NCBP3: variants seen among roughly 807,000 people sequenced by gnomAD.
NCBP3 encodes the protein nuclear cap-binding protein subunit 3.
Under a neutral mutation model 75.7 loss-of-function variants are expected in NCBP3, and 20 were observed. The observed-to-expected ratio is 0.26, with a 90% CI of 0.19 to 0.38. NCBP3 has a LOEUF of 0.38. Among genes scored for constraint, NCBP3 ranks in the 10% least tolerant of loss-of-function variants. The pLI, the probability that NCBP3 is intolerant of heterozygous loss-of-function variation, is 1.00. For missense variants in NCBP3, 678 were observed against 796.9 expected, an observed-to-expected ratio of 0.85 and a Z score of 1.80; for synonymous variants, 293 against 290.5, an observed-to-expected ratio of 1.01 and a Z score of -0.09.
chr17:3,828,755 T>A (rs982381390), intron 4 of NCBP3, among the ~76,000 whole-genome samples: 5 of 152,076 alleles, frequency 3.3e-5, no homozygotes, highest in African/African-American at 1.2e-4. Context: ...TAGTAGAGTG[T>A]TTAGCTCTAG....
chr17:3,841,019 A>C (rs572612137), intron 2 of NCBP3, among the ~76,000 whole-genome samples: 1 of 151,972 alleles, frequency 6.6e-6, no homozygotes, highest in East Asian at 1.9e-4. Context: ...ACGGACTCTC[A>C]CTCTGTCGCC....
intron 3 of NCBP3, among the ~76,000 whole-genome samples, chr17:3,839,437 T>C (rs1480640781): frequency 6.6e-6 from 1 of 152,122 alleles, no homozygotes; most frequent in Admixed American, 6.5e-5. Flanking sequence ...AACCTCTGCC[T>C]CCCAGGTTCA....
In NCBP3 at chr17:3,814,668, G is replaced by C. The variant is rs370953978; in HGVS notation, c.1466-185C>G. 3.9e-5 allele frequency among the ~76,000 whole-genome samples: 6 copies of C among 152,070 alleles called. No individual in the cohort carries two copies. In the East Asian group the frequency reaches 1.2e-3, roughly 29 times the overall value. ...TTTCCTTAGGAAAATTCGGACATAG[G>C]GGCTGTCAGAGGAAAAATCCTCAAC... On this transcript the variant is annotated intron_variant, in intron 11 of 12. Coordinates refer to ENST00000389005, the MANE Select transcript of NCBP3 (RefSeq NM_001114118.3).
intron 4 of NCBP3, among the ~76,000 whole-genome samples, chr17:3,827,390 G>A (rs1344914560): frequency 6.6e-6 from 1 of 152,200 alleles, no homozygotes; most frequent in African/African-American, 2.4e-5. Flanking sequence ...CATGCTAAAC[G>A]AATTCCCCCT....
In NCBP3 at chr17:3,811,892, T is replaced by A. The variant is rs547313727; in HGVS notation, c.*1152A>T. 3 of 152,342 alleles carry A rather than the reference T, an allele frequency of 2.0e-5. No homozygotes were observed. Among genetic ancestry groups the A allele is most frequent in the East Asian group, 1.9e-4 (1 of 5,192 alleles). The allele number at this position is 152,342 out of a possible 1,614,324, so 9.4% of individuals were successfully genotyped here. A position where few individuals can be genotyped will look rare whatever the true frequency, so the allele number is the denominator to read the frequency against. On this transcript the variant is annotated 3_prime_UTR_variant, in exon 13 of 13. Transcript: ENST00000389005. The stretch of plus-strand genomic sequence containing the variant: ...AAATAATCTGAAAGGAGTTTAAAAA[T>A]AAATGAACTAAAATTTTTATAACTA...
intron 4 of NCBP3, among the ~76,000 whole-genome samples, chr17:3,828,484 C>G (rs2053824894): frequency 6.6e-6 from 1 of 152,166 alleles, no homozygotes; most frequent in Non-Finnish European, 1.5e-5. Flanking sequence ...ATGAAAACAT[C>G]TTCCTACGAG....
Position 3,818,483 on chromosome 17 carries a change from C to T in NCBP3, c.1090G>A (p.Asp364Asn). The T allele has an allele frequency of 6.2e-7, 1 of 1,613,958 alleles. No homozygotes were observed. The highest frequency in any genetic ancestry group is 8.5e-7 in the Non-Finnish European group (1 of 1,180,030). ...TCTACCACCACTCTGTCATCTGCAT[C>T]CATGTCCTGGTCTTCTTCTTCCTCT... Reference protein sequence around the residue: ...EEEEEEDQDMDADDRVVVEYH... With the variant: ...EEEEEEDQDMNADDRVVVEYH... The change falls in exon 10 of 13, where the codon GAT becomes AAT. Residue 364 changes from aspartate to asparagine, a missense_variant. By Grantham distance (23) the Asp-to-Asn change is conservative (BLOSUM62 1). Transcript: ENST00000389005. The surrounding 1 kb of genome is among the most constrained non-coding windows in gnomAD (Gnocchi z 4.7).
rs1399144117 is a variant in NCBP3, at chr17:3,820,134, A to G, written c.1000+1115T>C. On this transcript the variant is annotated intron_variant, in intron 9 of 12. Coordinates refer to ENST00000389005, the MANE Select transcript of NCBP3 (RefSeq NM_001114118.3). ...CTGGCTAATTTTTTAATTTTTTGTA[A>G]CGACAAGGTCTCACTATGTTGCCCA... Among the ~76,000 whole-genome samples the G allele has an allele frequency of 2.0e-5, 3 of 151,982 alleles. No homozygotes were observed. The East Asian group carries it at 5.8e-4, about 29-fold the overall frequency.
chr17:3,828,563 GC>G (rs1392919940), intron 4 of NCBP3, among the ~76,000 whole-genome samples: 1 of 152,082 alleles, frequency 6.6e-6, no homozygotes, highest in African/African-American at 2.4e-5. Flanking sequence ...AGCAAGTAAA[GC>G]CAGACTAGAA....
At chr17:3,828,052 G>A (rs1597404598) in intron 4 of NCBP3, among the ~76,000 whole-genome samples, 1 of 152,258 alleles carries the variant, frequency 6.6e-6, no homozygotes, top group East Asian at 1.9e-4. Flanking sequence ...CTGAATAGCT[G>A]GGATTACAGG....
intron 4 of NCBP3, 37 bp downstream of exon 4, chr17:3,829,206 A>T: frequency 6.5e-7 from 1 of 1,548,588 alleles, no homozygotes; most frequent in Admixed American, 2.0e-5. Context: ...AAAATCATCA[A>T]CAAAAGCATA....
At chr17:3,837,966 A>C (rs1372759431) in intron 3 of NCBP3, among the ~76,000 whole-genome samples, 2 of 151,968 alleles carry the variant, frequency 1.3e-5, no homozygotes, top group African/African-American at 4.8e-5. Context: ...GAACCGTGAG[A>C]CTGGAGTTGT....
At position 3,812,994 on chromosome 17, in the gene NCBP3, C is replaced by T; in HGVS notation, c.*50G>A. 1 of 1,610,116 alleles carries T rather than the reference C, an allele frequency of 6.2e-7. No homozygotes were observed. Among genetic ancestry groups the T allele is most frequent in the Non-Finnish European group, 8.5e-7 (1 of 1,177,762 alleles). On this transcript the variant is annotated 3_prime_UTR_variant, in exon 13 of 13. Transcript: ENST00000389005. The stretch of plus-strand genomic sequence containing the variant: ...GGAGGTTCCTACTGCGCGCCCCACC[C>T]TGTGCAAGAATGTCAGGCTTTAGGG...
At position 3,804,121 on chromosome 17, in the gene NCBP3, T is replaced by C. The variant is rs907994058; in HGVS notation, c.*8923A>G. On this transcript the variant is annotated 3_prime_UTR_variant, in exon 13 of 13. Coordinates refer to ENST00000389005, the MANE Select transcript of NCBP3 (RefSeq NM_001114118.3). Reference sequence around the variant, plus strand: ...CTTGTAGTCACAGTTACTTAAGAGGTTCAAGCTACTTGGGAAAGCTTGAGC... The same window carrying C: ...CTTGTAGTCACAGTTACTTAAGAGGCTCAAGCTACTTGGGAAAGCTTGAGC... 1.3e-5 allele frequency: 2 copies of C among 152,150 alleles called. No homozygotes were observed. Among genetic ancestry groups the C allele is most frequent in the Non-Finnish European group, 2.9e-5 (2 of 68,040 alleles). 9.4% of individuals were successfully genotyped at this position (152,150 alleles called of 1,614,324 possible). A position where few individuals can be genotyped will look rare whatever the true frequency, so the allele number is the denominator to read the frequency against.
In NCBP3 at chr17:3,813,132, C is replaced by A; in HGVS notation, c.1775G>T (p.Arg592Leu). 6.2e-7 allele frequency: 1 copy of A among 1,614,238 alleles called. No homozygotes were observed. Among genetic ancestry groups the A allele is most frequent in the South Asian group, 1.1e-5 (1 of 91,088 alleles). ...GTTATCTAACCGGCTCTTCTTTTGG[C>A]GAGACTGCTCTTTCTCCTTAATCAG... ...GALIKEKEQS[R>L]QKKSRLDNLP... Residue 592 changes from arginine (R) to leucine (L), a missense_variant, in exon 13 of 13, where the codon CGC (arginine) becomes CTC (leucine). Physicochemically the swap from Arg to Leu is moderately radical, Grantham distance 102. Around this residue, in one of 7 missense-constraint regions of NCBP3, gnomAD observed 365 missense variants for 392.7 expected, o/e 0.93. Coordinates refer to ENST00000389005, the MANE Select transcript of NCBP3 (RefSeq NM_001114118.3).
At chr17:3,813,845 G>A (rs1418967231) in intron 12 of NCBP3, among the ~76,000 whole-genome samples, 1 of 152,060 alleles carries the variant, frequency 6.6e-6, no homozygotes, top group Non-Finnish European at 1.5e-5. Flanking sequence ...TGTGTTTTTA[G>A]TAGAGACAGG....
rs1462487928 is a variant in NCBP3 at position 3,804,628 on chromosome 17, T to G, written c.*8416A>C. 6.6e-6 allele frequency: 1 copy of G among 152,232 alleles called. No individual in the cohort carries two copies. The highest frequency in any genetic ancestry group is 6.5e-5 in the Admixed American group (1 of 15,284). 9.4% of individuals were successfully genotyped at this position (152,232 alleles called of 1,614,324 possible). ...CACAGCCTTCAGACACAGGAAATGG[T>G]TCTATTCTCCCACTTGCCTTCTGAC... On this transcript the variant is annotated 3_prime_UTR_variant, in exon 13 of 13. Coordinates refer to ENST00000389005, the MANE Select transcript of NCBP3 (RefSeq NM_001114118.3).
intron 3 of NCBP3, among the ~76,000 whole-genome samples, chr17:3,833,048 G>C (rs890888536): frequency 6.6e-6 from 1 of 152,010 alleles, no homozygotes. Context: ...CCAGGAGTTC[G>C]AGAGGCCAGC....
chr17:3,833,110 G>A (rs2053913727), intron 3 of NCBP3, among the ~76,000 whole-genome samples: 1 of 152,050 alleles, frequency 6.6e-6, no homozygotes, highest in Admixed American at 6.6e-5. Context: ...AAAATTAGCT[G>A]AGTGTGGTGG....
Sources: gnomAD v4.1 joint callset for allele counts (sites outside exome capture counted in the v4.1 genomes callset) on GRCh38, gnomAD v4.1.1 for gene constraint, gnomAD v4.1.1 regional missense constraint, Gnocchi (gnomAD v3.1) non-coding constraint, MANE v1.5 for transcripts, NCBI Gene and HGNC (gene_info 2026-07-23, HGNC 2026-07-21) for gene names.